The following HDLBP variants were observed in gnomAD, a reference collection of about 807,000 sequenced individuals.
The protein encoded by HDLBP is high density lipoprotein binding protein.
Under a neutral mutation model 137.3 loss-of-function variants are expected in HDLBP, and 30 were observed. The observed-to-expected ratio is 0.22, with a 90% confidence interval of 0.16 to 0.30. The LOEUF is 0.30. HDLBP is among the 10% of genes least tolerant of loss of function. HDLBP has a pLI of 1.00. For synonymous variants in HDLBP, 606 were observed against 596.0 expected, an observed-to-expected ratio of 1.02 and a Z score of -0.24; for missense variants, 1,119 against 1,667.3, an observed-to-expected ratio of 0.67 and a Z score of 5.73.
chr2:241,259,589 A>G (rs1377596357), intron 5 of HDLBP, among the ~76,000 whole-genome samples: 1 of 152,148 alleles, frequency 6.6e-6, no homozygotes, highest in Non-Finnish European at 1.5e-5. Flanking sequence ...CCCAGGCTCA[A>G]ACAATCCTTT....
chr2:241,246,405 T>C (rs62186366), intron 16 of HDLBP, among the ~76,000 whole-genome samples: 28,968 of 152,178 alleles, frequency 0.19, 3,447 homozygotes, highest in Middle Eastern at 0.26. Context: ...AACTATTACA[T>C]TGTACACTGT....
chr2:241,273,358 C>T, intron 1 of HDLBP: 1 of 599,810 alleles, frequency 1.7e-6, no homozygotes, highest in South Asian at 7.4e-5. Flanking sequence ...ATCTCCCCCC[C>T]AAAATGTAAA....
At chr2:241,295,873 C>G (rs1204603250) in intron 1 of HDLBP, among the ~76,000 whole-genome samples, 2 of 152,164 alleles carry the variant, frequency 1.3e-5, no homozygotes, top group Non-Finnish European at 2.9e-5. Flanking sequence ...AAGCAAAGAA[C>G]AATCTCTCTC....
intron 1 of HDLBP, among the ~76,000 whole-genome samples, chr2:241,309,087 T>C (rs1042216678): frequency 6.6e-6 from 1 of 152,200 alleles, no homozygotes; most frequent in African/African-American, 2.4e-5. Flanking sequence ...CATGGCTTGT[T>C]TGCTCATCTC....
intron 27 of HDLBP, 67 bp downstream of exon 27, chr2:241,229,766 A>T: frequency 6.3e-7 from 1 of 1,599,248 alleles, no homozygotes; most frequent in Non-Finnish European, 8.5e-7. Flanking sequence ...TGCCACCCTC[A>T]GGACACCAAG....
chr2:241,236,653 G>T lies in HDLBP; in HGVS notation c.2866C>A (p.Arg956=). The change falls in exon 21 of 28, where the codon CGG becomes AGG. Residue 956 remains arginine, a synonymous_variant. Coordinates refer to ENST00000310931, the MANE Select transcript of HDLBP (RefSeq NM_005336.6). ...TTGGCAGCCTCACACTTTTCTTTCC[G>T]GCCAGAGATGATGATGATGTCACAC... ...RRCDIIIISG[R]KEKCEAAKEA... is the part of the protein sequence containing the mutation. The T allele has an allele frequency of 6.2e-7, 1 of 1,614,070 alleles. No homozygotes were observed. The highest frequency in any genetic ancestry group is 8.5e-7 in the Non-Finnish European group (1 of 1,180,014).
intron 1 of HDLBP, among the ~76,000 whole-genome samples, chr2:241,312,138 A>C (rs1257923297): frequency 6.6e-6 from 1 of 152,242 alleles, no homozygotes; most frequent in East Asian, 1.9e-4. Flanking sequence ...TGAAGCTGTA[A>C]CCTTGATTTG....
At chr2:241,232,322 C>A (rs1303833132) in intron 24 of HDLBP, among the ~76,000 whole-genome samples, 2 of 150,964 alleles carry the variant, frequency 1.3e-5, no homozygotes, top group Non-Finnish European at 2.9e-5. Flanking sequence ...GTCGCCCAGG[C>A]TGGAGTGCAA....
chr2:241,306,747 T>C (rs887168593), intron 1 of HDLBP, among the ~76,000 whole-genome samples: 1 of 151,614 alleles, frequency 6.6e-6, no homozygotes, highest in Non-Finnish European at 1.5e-5. Context: ...ATCTCTACTA[T>C]TGTGCATGCC....
intron 1 of HDLBP, among the ~76,000 whole-genome samples, chr2:241,304,088 A>G (rs986926842): frequency 1.3e-5 from 2 of 152,192 alleles, no homozygotes; most frequent in Non-Finnish European, 2.9e-5. Context: ...CTGGGATTAC[A>G]AAGTGCATGT....
At chr2:241,250,151 C>T (rs2072011607) in intron 11 of HDLBP, 171 bp from the exon 12 acceptor site, 1 of 588,732 alleles carries the variant, frequency 1.7e-6, no homozygotes, top group Non-Finnish European at 2.9e-6. Context: ...GAATGGGGGC[C>T]AGTTATGATC....
intron 1 of HDLBP, among the ~76,000 whole-genome samples, chr2:241,288,247 A>T (rs1046004103): frequency 4.6e-5 from 7 of 151,916 alleles, no homozygotes; most frequent in African/African-American, 7.3e-5. Flanking sequence ...CTGAATTAAA[A>T]TTTTTTTTTG....
At chr2:241,293,850 AG>A (rs1372400321) in intron 1 of HDLBP, among the ~76,000 whole-genome samples, 1 of 146,524 alleles carries the variant, frequency 6.8e-6, no homozygotes, top group African/African-American at 2.5e-5. Context: ...TGAGCCCAGG[AG>A]GTTGAGCCTG....
Position 241,256,669 on chromosome 2 carries a change from G to A in HDLBP, c.588C>T (p.Ile196=). 6.2e-7 allele frequency: 1 copy of A among 1,614,196 alleles called. No homozygotes were observed. The highest frequency in any genetic ancestry group is 8.5e-7 in the Non-Finnish European group (1 of 1,180,032). Residue 196 remains isoleucine (I), a synonymous_variant, in exon 6 of 28, where the codon ATC becomes ATT. Transcript: ENST00000310931. ...TGCCCTCTTTGGTGCCAGTGATCTT[G>A]ATCTGATTGCTGGGGTCATCTGGGC... ...IPRPDDPSNQ[I]KITGTKEGIE...
rs771379230 is a variant in HDLBP at position 241,239,371 on chromosome 2, T to C, written c.2610+231A>G. ...TCTCCCCTCTCCTCTTCTCCTTCTC[T>C]CTCTCTTTTTTTTTTTAAGTGCTTC... On this transcript the variant is annotated intron_variant, in intron 19 of 27. Coordinates refer to ENST00000310931, the MANE Select transcript of HDLBP (RefSeq NM_005336.6). The surrounding 1 kb of genome is among the most constrained non-coding windows in gnomAD (Gnocchi z 4.6). 3.3e-5 allele frequency among the ~76,000 whole-genome samples: 5 copies of C among 151,888 alleles called. No homozygotes were observed. Among genetic ancestry groups the C allele is most frequent in the Admixed American group, 6.5e-5 (1 of 15,270 alleles).
rs2071821393 is a variant in HDLBP, at chr2:241,248,128, C to T, written c.1618-12G>A. The T allele has an allele frequency of 6.2e-7, 1 of 1,601,202 alleles. No individual in the cohort carries two copies. ...AAGTTAATGATGACCTAGAACAAAT[C>T]ATGGGGAGACTAAGTTCAAGTATGA... On this transcript the variant is annotated splice_polypyrimidine_tract_variant and intron_variant, in intron 13 of 27. Transcript: ENST00000310931.
intron 12 of HDLBP, 118 bp from the exon 13 acceptor site, chr2:241,248,466 T>C: frequency 1.2e-6 from 1 of 818,330 alleles, no homozygotes; most frequent in Non-Finnish European, 2.1e-6. Flanking sequence ...GGTGAGGTGG[T>C]CTCCAGGTGG....
chr2:241,255,257 C>G, intron 8 of HDLBP, 99 bp from the exon 9 acceptor site: 1 of 1,424,432 alleles, frequency 7.0e-7, no homozygotes, highest in Non-Finnish European at 9.9e-7. Context: ...ACGCTCTCCC[C>G]AAACCTGGGC....
Position 241,230,891 on chromosome 2 carries a change from C to T in HDLBP, c.3342G>A (p.Arg1114=). ...TGYEKNTEAA[R]DAILRIVGEL... The stretch of plus-strand genomic sequence containing the variant: ...CACCCACAATTCTCAGTATAGCATC[C>T]CTGGCAGCTTCTGTGTTCTTTTCGT... Residue 1114 remains arginine, a synonymous_variant, in exon 25 of 28, where the codon AGG becomes AGA. Transcript: ENST00000310931. This position sits in a 1 kb window ranked among gnomAD's most constrained non-coding sequence, Gnocchi z 5.0. 1 of 1,614,164 alleles carries T rather than the reference C, an allele frequency of 6.2e-7. No individual in the cohort carries two copies. Among genetic ancestry groups the T allele is most frequent in the Non-Finnish European group, 8.5e-7 (1 of 1,180,006 alleles).
Sources: gnomAD v4.1 joint callset for allele counts (sites outside exome capture counted in the v4.1 genomes callset) on GRCh38, gnomAD v4.1.1 for gene constraint, Gnocchi (gnomAD v3.1) non-coding constraint, MANE v1.5 for transcripts, NCBI Gene and HGNC (gene_info 2026-07-23, HGNC 2026-07-21) for gene names.